The following ADK variants were observed in gnomAD, a reference collection of about 807,000 sequenced individuals.
The protein encoded by ADK is adenosine kinase.
A neutral mutation model predicts 44.7 loss-of-function variants in ADK; 24 were observed. The ratio of observed to expected loss-of-function variants is 0.54; its 90% CI spans 0.39 to 0.76. ADK has a LOEUF of 0.76. ADK is among the 30% of genes least tolerant of loss of function. The pLI is 0.00. For synonymous variants in ADK, 128 were observed against 142.6 expected, an observed-to-expected ratio of 0.90 and a Z score of 0.73; for missense variants, 321 against 425.1, an observed-to-expected ratio of 0.76 and a Z score of 2.15.
chr10:74,201,563 A>G (rs1439711792), intron 2 of ADK, among the ~76,000 whole-genome samples: 1 of 152,134 alleles, frequency 6.6e-6, no homozygotes, highest in Admixed American at 6.6e-5. Context: ...TGCCTAATTT[A>G]TAAATGAAAC....
chr10:74,307,214 T>C lies in ADK; in HGVS notation c.195-7453T>C, dbSNP rs1408247676. 3.3e-5 allele frequency among the ~76,000 whole-genome samples: 5 copies of C among 152,276 alleles called. No individual in the cohort carries two copies. In the East Asian group the frequency reaches 9.6e-4, roughly 29 times the overall value. On this transcript the variant is annotated intron_variant, in intron 3 of 10. Coordinates refer to ENST00000539909, the MANE Select transcript of ADK (RefSeq NM_006721.4). Reference sequence around the variant, plus strand: ...TTGCTCTTTTCTTGTTCTGTCTTTGTAAGCACAGCTAGAGTCAGAGAACTT... The same window carrying C: ...TTGCTCTTTTCTTGTTCTGTCTTTGCAAGCACAGCTAGAGTCAGAGAACTT...
intron 9 of ADK, among the ~76,000 whole-genome samples, chr10:74,631,278 ATT>A (rs11313781): frequency 5.5e-5 from 8 of 144,578 alleles, no homozygotes; most frequent in Admixed American, 6.9e-5. Context: ...TGATTTATTT[ATT>A]TTTTTTTTTT....
chr10:74,630,260 A>G (rs1853361931), intron 9 of ADK, among the ~76,000 whole-genome samples: 1 of 152,086 alleles, frequency 6.6e-6, no homozygotes, highest in African/African-American at 2.4e-5. Context: ...AAACCAGCAA[A>G]CTACTATAGA....
At chr10:74,602,689 C>G (rs1852185741) in intron 9 of ADK, among the ~76,000 whole-genome samples, 1 of 152,196 alleles carries the variant, frequency 6.6e-6, no homozygotes, top group African/African-American at 2.4e-5. Flanking sequence ...AAAGGATGCA[C>G]TATATCTGCA....
At chr10:74,394,716 T>A (rs74596038) in intron 5 of ADK, among the ~76,000 whole-genome samples, 2,254 of 151,888 alleles carry the variant, frequency 0.015, 57 homozygotes, top group African/African-American at 0.051. Flanking sequence ...AGAGAGAGAG[T>A]GTGTGTGTGT....
At chr10:74,655,885 CT>C (rs1045978265) in intron 9 of ADK, 2 of 634,518 alleles carry the variant, frequency 3.2e-6, no homozygotes, top group African/African-American at 3.6e-5. Context: ...AAGAATGCTT[CT>C]ACCCTAGCTG....
At chr10:74,572,582 A>G (rs1357890902) in intron 7 of ADK, among the ~76,000 whole-genome samples, 1 of 152,170 alleles carries the variant, frequency 6.6e-6, no homozygotes, top group Non-Finnish European at 1.5e-5. Context: ...CTCCTGGATA[A>G]TATCCTGCAG....
chr10:74,519,739 CT>C (rs1214616167), intron 6 of ADK, among the ~76,000 whole-genome samples: 1 of 151,808 alleles, frequency 6.6e-6, no homozygotes, highest in Non-Finnish European at 1.5e-5. Context: ...CAATGGAATA[CT>C]TTTTAATGTT....
intron 10 of ADK, among the ~76,000 whole-genome samples, chr10:74,680,126 A>T (rs911457758): frequency 1.3e-5 from 2 of 152,090 alleles, no homozygotes; most frequent in East Asian, 3.9e-4. Context: ...CATCCTGGCT[A>T]ACAAGGTGAA....
chr10:74,313,456 T>C (rs1840515226), intron 3 of ADK, among the ~76,000 whole-genome samples: 1 of 152,114 alleles, frequency 6.6e-6, no homozygotes, highest in Non-Finnish European at 1.5e-5. Context: ...GTTTCAAAAA[T>C]TTCCTCCCTT....
At chr10:74,672,619 A>G (rs1855231486) in intron 10 of ADK, among the ~76,000 whole-genome samples, 1 of 152,216 alleles carries the variant, frequency 6.6e-6, no homozygotes, top group South Asian at 2.1e-4. Flanking sequence ...ACACTGGGTC[A>G]TGCAATGAGA....
chr10:74,702,435 G>A (rs2131787746), intron 10 of ADK, among the ~76,000 whole-genome samples: 1 of 151,758 alleles, frequency 6.6e-6, no homozygotes, highest in South Asian at 2.1e-4. Context: ...GCCCCCCTCG[G>A]CCTCCCAAAG....
At chr10:74,556,250 A>G (rs2133801813) in intron 7 of ADK, among the ~76,000 whole-genome samples, 1 of 152,324 alleles carries the variant, frequency 6.6e-6, no homozygotes, top group South Asian at 2.1e-4. Flanking sequence ...AGCAATGAAC[A>G]CATCACATGG....
In ADK at chr10:74,308,845, C is replaced by T. The variant is rs1840341156; in HGVS notation, c.195-5822C>T. 2.0e-5 allele frequency among the ~76,000 whole-genome samples: 3 copies of T among 152,144 alleles called. No homozygotes were observed. The South Asian group carries it at 6.2e-4, about 31-fold the overall frequency. On this transcript the variant is annotated intron_variant, in intron 3 of 10. Coordinates refer to ENST00000539909, the MANE Select transcript of ADK (RefSeq NM_006721.4). ...ATAATATGCTGAGCGCACACACACT[C>T]TCATATGCTCACTCGCTCTCTCTCT... is the stretch of plus-strand genomic sequence containing the variant.
intron 4 of ADK, among the ~76,000 whole-genome samples, chr10:74,375,530 A>C (rs1312447944): frequency 6.6e-6 from 1 of 152,212 alleles, no homozygotes; most frequent in Non-Finnish European, 1.5e-5. Flanking sequence ...CTGTCTTCAC[A>C]ATCAGCATTT....
At chr10:74,703,258 G>A (rs1856495267) in intron 10 of ADK, among the ~76,000 whole-genome samples, 1 of 152,134 alleles carries the variant, frequency 6.6e-6, no homozygotes, top group African/African-American at 2.4e-5. Context: ...GAGGCGGGTG[G>A]ATTGCTTGAG....
chr10:74,335,239 C>CTTTAT (rs1056502638), intron 4 of ADK, among the ~76,000 whole-genome samples: 43 of 151,866 alleles, frequency 2.8e-4, no homozygotes, highest in Non-Finnish European at 4.4e-4. Flanking sequence ...CAGACCTATT[C>CTTTAT]TTTATTTTAT....
At chr10:74,664,451 G>A (rs1219339404) in intron 9 of ADK, among the ~76,000 whole-genome samples, 1 of 152,062 alleles carries the variant, frequency 6.6e-6, no homozygotes, top group Non-Finnish European at 1.5e-5. Context: ...GATGAGGAGA[G>A]GGAGATTTTA....
At chr10:74,577,509 C>G (rs1851235828) in intron 7 of ADK, among the ~76,000 whole-genome samples, 1 of 150,988 alleles carries the variant, frequency 6.6e-6, no homozygotes, top group South Asian at 2.1e-4. Context: ...TCTGAAGAGG[C>G]TTTTGGTAGT....
Sources: gnomAD v4.1 joint callset for allele counts (sites outside exome capture counted in the v4.1 genomes callset) on GRCh38, gnomAD v4.1.1 for gene constraint, MANE v1.5 for transcripts, NCBI Gene and HGNC (gene_info 2026-07-23, HGNC 2026-07-21) for gene names.